Variants in TIMP3 observed in about 807,000 individuals in gnomAD.
TIMP3 encodes metalloproteinase inhibitor 3.
TIMP3 carries 11 observed loss-of-function variants against 30.0 expected under a neutral mutation model. That is an observed-to-expected ratio of 0.37 (90% CI 0.23 to 0.61). The LOEUF is 0.61. Among genes scored for constraint, TIMP3 ranks in the 20% least tolerant of loss-of-function variants. TIMP3 has a pLI of 0.70. For missense variants in TIMP3, 181 were observed against 276.8 expected (o/e 0.65, Z 2.45); for synonymous variants, 112 against 111.3 (o/e 1.01, Z -0.04).
chr22:32,827,232 G>A (rs1288852583), intron 1 of TIMP3, among the ~76,000 whole-genome samples: 2 of 152,160 alleles, frequency 1.3e-5, no homozygotes, highest in African/African-American at 4.8e-5. Flanking sequence ...CACATTGCTG[G>A]GTGTTAGCTT....
At chr22:32,819,355 C>T (rs1356095142) in intron 1 of TIMP3, among the ~76,000 whole-genome samples, 1 of 152,236 alleles carries the variant, frequency 6.6e-6, no homozygotes, top group African/African-American at 2.4e-5. Flanking sequence ...GTCCTGCGGT[C>T]TCCTTCTCGA....
At chr22:32,805,374 C>T (rs977869565) in intron 1 of TIMP3, among the ~76,000 whole-genome samples, 1 of 152,170 alleles carries the variant, frequency 6.6e-6, no homozygotes, top group Non-Finnish European at 1.5e-5. Flanking sequence ...TTCAAAGAAA[C>T]CAGATCCATC....
At chr22:32,845,713 T>A (rs1032872102) in intron 1 of TIMP3, among the ~76,000 whole-genome samples, 1 of 152,130 alleles carries the variant, frequency 6.6e-6, no homozygotes, top group African/African-American at 2.4e-5. Flanking sequence ...GTGTCCAGCC[T>A]GGCCCATCTG....
rs905626216 is a variant in TIMP3 at position 32,802,146 on chromosome 22, C to T, written c.121+24C>T. On this transcript the variant is annotated intron_variant, in intron 1 of 4. Coordinates refer to ENST00000266085, the MANE Select transcript of TIMP3 (RefSeq NM_000362.5). ...CGGTAAGCGCTCCTGGTGCCCCGCC[C>T]GAGCCCCACGCTGCAGCCAGGACTG... is the stretch of plus-strand genomic sequence containing the variant. 1.7e-5 allele frequency: 26 copies of T among 1,570,802 alleles called. No individual in the cohort carries two copies. In the Admixed American group the frequency reaches 2.5e-4, roughly 15 times the overall value.
chr22:32,803,411 G>A (rs2046644461), intron 1 of TIMP3, among the ~76,000 whole-genome samples: 1 of 152,148 alleles, frequency 6.6e-6, no homozygotes, highest in Non-Finnish European at 1.5e-5. Flanking sequence ...TGAGCCTAGA[G>A]GTCAGAGTGG....
In TIMP3 at chr22:32,859,733, C is replaced by G. The variant is rs994743324; in HGVS notation, c.*356C>G. 1.1e-5 allele frequency: 3 copies of G among 283,774 alleles called. No individual in the cohort carries two copies. Among genetic ancestry groups the G allele is most frequent in the Admixed American group, 5.1e-5 (1 of 19,772 alleles). 17.6% of individuals were successfully genotyped at this position (283,774 alleles called of 1,614,324 possible). A position where few individuals can be genotyped will look rare whatever the true frequency, so the allele number is the denominator to read the frequency against. On this transcript the variant is annotated 3_prime_UTR_variant, in exon 5 of 5. Coordinates refer to ENST00000266085, the MANE Select transcript of TIMP3 (RefSeq NM_000362.5). ...CCATTTGAGGATTGTAATTCCCACCCCTCTTGCTTCTTCCCCACCTCACCA... is the reference window on the plus strand; with the variant it reads ...CCATTTGAGGATTGTAATTCCCACCGCTCTTGCTTCTTCCCCACCTCACCA...
intron 1 of TIMP3, among the ~76,000 whole-genome samples, chr22:32,820,638 G>C (rs2047220154): frequency 2.0e-5 from 3 of 152,154 alleles, no homozygotes; most frequent in Admixed American, 2.0e-4. Flanking sequence ...GGTTGGGCAG[G>C]GGCCCGGAGA....
At chr22:32,820,378 G>GTA (rs1270907216) in intron 1 of TIMP3, among the ~76,000 whole-genome samples, 4 of 148,452 alleles carry the variant, frequency 2.7e-5, no homozygotes, top group African/African-American at 1.0e-4. Context: ...GTGTGTGTGT[G>GTA]GTGTGTTCTA....
chr22:32,856,032 C>G (rs2048353863), intron 2 of TIMP3, among the ~76,000 whole-genome samples: 2 of 152,190 alleles, frequency 1.3e-5, no homozygotes, highest in South Asian at 4.1e-4. Context: ...AGCTTGAATT[C>G]AACGTTCACC....
At chr22:32,850,260 A>C (rs1341920098) in intron 2 of TIMP3, among the ~76,000 whole-genome samples, 1 of 151,868 alleles carries the variant, frequency 6.6e-6, no homozygotes, top group Non-Finnish European at 1.5e-5. Flanking sequence ...CTCTACTCCT[A>C]AATAGCCTGC....
chr22:32,831,855 C>G (rs984953160), intron 1 of TIMP3, among the ~76,000 whole-genome samples: 6 of 152,152 alleles, frequency 3.9e-5, no homozygotes, highest in Admixed American at 2.0e-4. Flanking sequence ...GCACCCCCCC[C>G]AACCTCCACC....
rs145083402 is a variant in TIMP3, at chr22:32,836,984, G to A, written c.122-12468G>A. On this transcript the variant is annotated intron_variant, in intron 1 of 4. Coordinates refer to ENST00000266085, the MANE Select transcript of TIMP3 (RefSeq NM_000362.5). ...TGCTGTCTGCAAAGGCTGCATCTGCGGGTCTGGCGTGCAAAGGAGGGTGGT... is the reference window on the plus strand; with the variant it reads ...TGCTGTCTGCAAAGGCTGCATCTGCAGGTCTGGCGTGCAAAGGAGGGTGGT... Among the ~76,000 whole-genome samples the A allele has an allele frequency of 2.5e-4, 38 of 152,312 alleles. 1 individual carries two copies. Among genetic ancestry groups the A allele is most frequent in the African/African-American group, 7.5e-4 (31 of 41,556 alleles).
At chr22:32,807,373 T>C (rs2046782350) in intron 1 of TIMP3, among the ~76,000 whole-genome samples, 1 of 112,174 alleles carries the variant, frequency 8.9e-6, no homozygotes, top group South Asian at 2.5e-4. Flanking sequence ...ATATATATTA[T>C]ATATAATATA....
chr22:32,852,945 C>G (rs1474867251), intron 2 of TIMP3, among the ~76,000 whole-genome samples: 1 of 152,198 alleles, frequency 6.6e-6, no homozygotes, highest in Non-Finnish European at 1.5e-5. Flanking sequence ...GACATGCTCT[C>G]CAGCTGGCTG....
intron 1 of TIMP3, among the ~76,000 whole-genome samples, chr22:32,816,998 G>A (rs1190185529): frequency 1.3e-5 from 2 of 151,666 alleles, no homozygotes; most frequent in African/African-American, 4.9e-5. Context: ...CGAGAGGATC[G>A]CTTGAGCCCA....
intron 1 of TIMP3, among the ~76,000 whole-genome samples, chr22:32,819,327 C>T (rs948856292): frequency 1.2e-4 from 19 of 152,214 alleles, no homozygotes; most frequent in African/African-American, 4.6e-4. Context: ...AAAGAGGACA[C>T]GATGCCTTGC....
intron 1 of TIMP3, among the ~76,000 whole-genome samples, chr22:32,830,135 AG>A (rs1432291875): frequency 6.6e-6 from 1 of 152,190 alleles, no homozygotes; most frequent in African/African-American, 2.4e-5. Flanking sequence ...TATGGGTCCC[AG>A]CTAGTACTTT....
chr22:32,814,349 G>GAAAGGAAGAAAGGAAGAAAGAAAGAA (rs1315475497), intron 1 of TIMP3, among the ~76,000 whole-genome samples: 9 of 148,420 alleles, frequency 6.1e-5, no homozygotes, highest in African/African-American at 1.8e-4. Flanking sequence ...GAGAAAGAAA[G>GAAAGGAAGAAAGGAAGAAAGAAAGAA]AGAGAAAGAA....
At chr22:32,849,386 T>G (rs2048155687) in intron 1 of TIMP3, 66 bp from the exon 2 acceptor site, 1,234 of 1,364,498 alleles carry the variant, frequency 9.0e-4, no homozygotes, top group Non-Finnish European at 1.2e-3. Context: ...GTGCCCGCCC[T>G]GAGATGCTGT....
Sources: allele counts gnomAD v4.1 joint callset (sites outside exome capture counted in the v4.1 genomes callset), GRCh38; gene constraint gnomAD v4.1.1; transcripts MANE v1.5; gene names NCBI Gene and HGNC (gene_info 2026-07-23, HGNC 2026-07-21).